The following PDCD11 variants were observed in gnomAD, a reference collection of about 807,000 sequenced individuals.
The protein encoded by PDCD11 is programmed cell death 11, also known as protein RRP5 homolog.
A neutral mutation model predicts 198.9 loss-of-function variants in PDCD11; 97 were observed. The observed-to-expected ratio is 0.49, with a 90% CI of 0.41 to 0.58. PDCD11 has a LOEUF of 0.58. PDCD11 is among the 20% of genes least tolerant of loss of function. The pLI is 0.00. For missense variants in PDCD11, 2,102 were observed against 2,312.7 expected (o/e 0.91, Z 1.87); for synonymous variants, 893 against 918.0 (o/e 0.97, Z 0.49).
chr10:103,436,224 C>T (rs2032150941), intron 25 of PDCD11, among the ~76,000 whole-genome samples: 1 of 151,968 alleles, frequency 6.6e-6, no homozygotes, highest in Non-Finnish European at 1.5e-5. Context: ...CCTCAGCCAC[C>T]CAAGTACCTG....
chr10:103,428,383 A>G (rs2031790153), intron 21 of PDCD11, among the ~76,000 whole-genome samples: 5 of 151,992 alleles, frequency 3.3e-5, no homozygotes, highest in South Asian at 4.1e-4. Flanking sequence ...TGGAACTTCA[A>G]AGTAAGCCCT....
chr10:103,420,756 C>T (rs1359493830), intron 16 of PDCD11, among the ~76,000 whole-genome samples: 6 of 152,132 alleles, frequency 3.9e-5, no homozygotes, highest in African/African-American at 1.2e-4. Context: ...AGAGGGTTCC[C>T]GTGGGTTGTT....
chr10:103,406,456 G>A (rs1219309317), intron 6 of PDCD11, among the ~76,000 whole-genome samples, 153 bp from the exon 7 acceptor site: 1 of 152,146 alleles, frequency 6.6e-6, no homozygotes, highest in Non-Finnish European at 1.5e-5. Context: ...TTTCCTTCTT[G>A]TAGTTGGCCC....
chr10:103,444,078 C>A lies in PDCD11; in HGVS notation c.5278+10C>A. 2 of 1,608,328 alleles carry A rather than the reference C, an allele frequency of 1.2e-6. No individual in the cohort carries two copies. The highest frequency in any genetic ancestry group is 2.2e-5 in the South Asian group (2 of 90,812). On this transcript the variant is annotated intron_variant, in intron 34 of 35. Transcript: ENST00000369797. Reference sequence around the variant, plus strand: ...CTGCCTAGCAAGGAGCGTGAGTGCTCATTCCCAGCTCCTGAGCCCATGAGC... The same window carrying A: ...CTGCCTAGCAAGGAGCGTGAGTGCTAATTCCCAGCTCCTGAGCCCATGAGC...
At chr10:103,443,518 G>A (rs752370715) in intron 33 of PDCD11, among the ~76,000 whole-genome samples, 185 bp downstream of exon 33, 1 of 152,230 alleles carries the variant, frequency 6.6e-6, no homozygotes, top group African/African-American at 2.4e-5. Flanking sequence ...GTGGGGTCAA[G>A]GTGAGGGAAG....
chr10:103,438,817 G>A lies in PDCD11; in HGVS notation c.4025+9G>A, dbSNP rs750669391. ...CACGGTGTGTTCTTTCGGTGAGTGAGGGGGGCTCTGCACCCGGACCCAAGT... is the reference window on the plus strand; with the variant it reads ...CACGGTGTGTTCTTTCGGTGAGTGAAGGGGGCTCTGCACCCGGACCCAAGT... On this transcript the variant is annotated intron_variant, in intron 27 of 35. Transcript: ENST00000369797. The A allele has an allele frequency of 2.5e-6, 4 of 1,613,468 alleles. No homozygotes were observed. Among genetic ancestry groups the A allele is most frequent in the Non-Finnish European group, 3.4e-6 (4 of 1,179,900 alleles).
intron 2 of PDCD11, 87 bp from the exon 3 acceptor site, chr10:103,400,310 G>C: frequency 8.4e-7 from 1 of 1,188,300 alleles, no homozygotes; most frequent in African/African-American, 1.6e-5. Flanking sequence ...AACAAAGCAA[G>C]GTGAGTGATG....
At chr10:103,420,881 GT>G (rs567526972) in intron 16 of PDCD11, among the ~76,000 whole-genome samples, 47 of 142,828 alleles carry the variant, frequency 3.3e-4, no homozygotes, top group Admixed American at 4.9e-4. Flanking sequence ...TTTTGTTTTT[GT>G]TTTTTTTTTT....
chr10:103,419,791 C>A, intron 16 of PDCD11, 83 bp downstream of exon 16: 1 of 1,233,014 alleles, frequency 8.1e-7, no homozygotes, highest in Middle Eastern at 2.5e-4. Context: ...GAGTAGGATA[C>A]TTTATTCCTT....
chr10:103,406,021 G>A lies in PDCD11; in HGVS notation c.601G>A (p.Gly201Ser). Reference protein sequence around the residue: ...TGTVSSLEDHGYLVDIGVDGT... With the variant: ...TGTVSSLEDHSYLVDIGVDGT... ...TACCGTATCCAGCCTGGAAGACCAT[G>A]GCTACCTAGTGGACATTGGTGTTGA... The change falls in exon 6 of 36, where the codon GGC becomes AGC. Residue 201 changes from glycine to serine, a missense_variant. By Grantham distance (56) the Gly-to-Ser change is moderately conservative. Coordinates refer to ENST00000369797, the MANE Select transcript of PDCD11 (RefSeq NM_014976.2). 1 of 1,614,124 alleles carries A rather than the reference G, an allele frequency of 6.2e-7. No individual in the cohort carries two copies. Among genetic ancestry groups the A allele is most frequent in the Non-Finnish European group, 8.5e-7 (1 of 1,179,966 alleles).
At position 103,416,619 on chromosome 10, in the gene PDCD11, C is replaced by T. The variant is rs1367826978; in HGVS notation, c.1647C>T (p.Ile549=). ...AKPGLQTHGF[I]IRVKDYGCIV... ...CTGGTCTGCAGACACATGGCTTCAT[C>T]ATCAGGGTCAAGGACTATGGCTGCA... The change falls in exon 13 of 36, where the codon ATC becomes ATT. Residue 549 remains isoleucine (I), a synonymous_variant. Transcript: ENST00000369797. The T allele has an allele frequency of 6.2e-7, 1 of 1,614,222 alleles. No individual in the cohort carries two copies.
At chr10:103,436,245 C>A (rs764395161) in intron 25 of PDCD11, among the ~76,000 whole-genome samples, 7 of 151,998 alleles carry the variant, frequency 4.6e-5, no homozygotes, top group African/African-American at 1.7e-4. Flanking sequence ...GGATTACAGG[C>A]GTTGTGTCAC....
Position 103,432,187 on chromosome 10 carries a change from A to G in PDCD11, c.3427A>G (p.Ile1143Val). Residue 1143 changes from isoleucine to valine, a missense_variant, in exon 22 of 36, where the codon ATT becomes GTT. Transcript: ENST00000369797. ...NTHSVSPMEK[I>V]KQYQAGQTVT... is the part of the protein sequence containing the mutation. ...TCACTCTGTTAGCCCCATGGAGAAGATTAAACAGTACCAGGCCGGCCAGAC... is the reference window on the plus strand; with the variant it reads ...TCACTCTGTTAGCCCCATGGAGAAGGTTAAACAGTACCAGGCCGGCCAGAC... 6.2e-7 allele frequency: 1 copy of G among 1,614,142 alleles called. No homozygotes were observed. The highest frequency in any genetic ancestry group is 8.5e-7 in the Non-Finnish European group (1 of 1,179,942).
At chr10:103,419,470 A>C in intron 15 of PDCD11, 68 bp from the exon 16 acceptor site, 1 of 1,521,850 alleles carries the variant, frequency 6.6e-7, no homozygotes, top group Non-Finnish European at 8.9e-7. Context: ...CTCTGTGGAG[A>C]AAGGAGATGG....
chr10:103,406,105 A>C lies in PDCD11; in HGVS notation c.685A>C (p.Lys229Gln). The C allele has an allele frequency of 6.2e-7, 1 of 1,614,080 alleles. No individual in the cohort carries two copies. The highest frequency in any genetic ancestry group is 2.2e-5 in the East Asian group (1 of 44,888). Residue 229 changes from lysine (K) to glutamine (Q), a missense_variant, in exon 6 of 36, where the codon AAA becomes CAA. Lys to Gln is a moderately conservative substitution (Grantham distance 53). Transcript: ENST00000369797. ...KAQEYIRQKN[K>Q]GAKLKVGQYL... is the part of the protein sequence containing the mutation. Reference sequence around the variant, plus strand: ...CCAGGAGTACATCAGACAGAAGAACAAAGGTGAGGGCAAGAAAAGGGGCCA... The same window carrying C: ...CCAGGAGTACATCAGACAGAAGAACCAAGGTGAGGGCAAGAAAAGGGGCCA...
chr10:103,442,082 C>T (rs1334535376), intron 31 of PDCD11, 107 bp downstream of exon 31: 4 of 1,544,798 alleles, frequency 2.6e-6, no homozygotes, highest in South Asian at 1.2e-5. Flanking sequence ...GGGGAGGGGG[C>T]AGCGGCCAGT....
Position 103,406,103 on chromosome 10 carries a change from A to G in PDCD11, c.683A>G (p.Asn228Ser). Reference protein sequence around the residue: ...LKAQEYIRQKNKGAKLKVGQY... With the variant: ...LKAQEYIRQKSKGAKLKVGQY... ...GCCCAGGAGTACATCAGACAGAAGAACAAAGGTGAGGGCAAGAAAAGGGGC... is the reference window on the plus strand; with the variant it reads ...GCCCAGGAGTACATCAGACAGAAGAGCAAAGGTGAGGGCAAGAAAAGGGGC... Residue 228 changes from asparagine to serine, a missense_variant, in exon 6 of 36, where the codon AAC becomes AGC. Transcript: ENST00000369797. 2 of 1,614,108 alleles carry G rather than the reference A, an allele frequency of 1.2e-6. No homozygotes were observed. The highest frequency in any genetic ancestry group is 1.7e-6 in the Non-Finnish European group (2 of 1,179,990).
intron 3 of PDCD11, 38 bp downstream of exon 3, chr10:103,400,566 T>C (rs779494000): frequency 2.4e-5 from 38 of 1,589,412 alleles, no homozygotes; most frequent in African/African-American, 4.1e-5. Context: ...CAATCGACCT[T>C]GGTTGCTTAA....
In PDCD11 at chr10:103,425,074, G is replaced by C; in HGVS notation, c.2854G>C (p.Ala952Pro). ...ASLVETGHLAAFSLTSHLNDT... is the reference protein window; with the variant it reads ...ASLVETGHLAPFSLTSHLNDT... ...CTTGGTAGAGACGGGCCACCTGGCA[G>C]CTTTCTCCCTGACCTCTCACCTCAA... Residue 952 changes from alanine to proline, a missense_variant, in exon 20 of 36, where the codon GCT (alanine) becomes CCT (proline). Transcript: ENST00000369797. 1 of 1,614,252 alleles carries C rather than the reference G, an allele frequency of 6.2e-7. No homozygotes were observed. The highest frequency in any genetic ancestry group is 8.5e-7 in the Non-Finnish European group (1 of 1,180,040).
Sources: allele counts gnomAD v4.1 joint callset (sites outside exome capture counted in the v4.1 genomes callset), GRCh38; gene constraint gnomAD v4.1.1; transcripts MANE v1.5; gene names NCBI Gene and HGNC (gene_info 2026-07-23, HGNC 2026-07-21).